Variants in SLC25A21 observed in about 807,000 individuals in gnomAD.
The protein encoded by SLC25A21 is mitochondrial 2-oxodicarboxylate carrier.
In SLC25A21, 47 loss-of-function variants were observed where a neutral mutation model predicts 43.8. The ratio of observed to expected loss-of-function variants is 1.07; its 90% CI spans 0.85 to 1.37. The LOEUF is 1.37. SLC25A21 is among the 40% of genes most tolerant of loss of function. The probability of loss-of-function intolerance (pLI) is 0.00; values close to 1 mark genes in which losing one functional copy is unlikely to be tolerated. For synonymous variants in SLC25A21, 131 were observed against 121.3 expected, an observed-to-expected ratio of 1.08 and a Z score of -0.52; for missense variants, 352 against 350.2, an observed-to-expected ratio of 1.00 and a Z score of -0.04.
At chr14:36,810,902 CAGCATATGATAGAGAAAAGAGT>C (rs1888228983) in intron 3 of SLC25A21, among the ~76,000 whole-genome samples, 1 of 94,996 alleles carries the variant, frequency 1.1e-5, no homozygotes, top group African/African-American at 3.3e-5. Flanking sequence ...GGAAATAATT[CAGCATATGATAGAGAAAAGAGT>C]GGGGGAAATA....
chr14:37,141,892 A>C (rs1436213390), intron 1 of SLC25A21, among the ~76,000 whole-genome samples: 3 of 152,214 alleles, frequency 2.0e-5, no homozygotes, highest in Non-Finnish European at 2.9e-5. Context: ...TCTTGGCTGC[A>C]CATTGGACTC....
intron 1 of SLC25A21, among the ~76,000 whole-genome samples, chr14:36,963,963 T>C (rs1959556824): frequency 6.6e-6 from 1 of 152,166 alleles, no homozygotes; most frequent in Admixed American, 6.5e-5. Context: ...TTTGAAATTG[T>C]ATGTTTGCTT....
chr14:36,769,464 T>C (rs960890200), intron 3 of SLC25A21, among the ~76,000 whole-genome samples: 3 of 152,198 alleles, frequency 2.0e-5, no homozygotes, highest in Non-Finnish European at 2.9e-5. Context: ...TGTAGCACCA[T>C]TGGAAAATGA....
intron 1 of SLC25A21, among the ~76,000 whole-genome samples, chr14:36,876,614 ACTT>A (rs1429272048): frequency 6.6e-6 from 1 of 152,026 alleles, no homozygotes; most frequent in Non-Finnish European, 1.5e-5. Context: ...GTCTCCATAT[ACTT>A]CTCCTTGCTT....
rs141748234 is a variant in SLC25A21 at position 37,139,895 on chromosome 14, C to T, written c.70+32386G>A. ...CAGCTAAATACTTGAGATGAATACG[C>T]ATTAAAAATAAACCACAATGCTTAA... On this transcript the variant is annotated intron_variant, in intron 1 of 9. Transcript: ENST00000331299. Among the ~76,000 whole-genome samples the T allele has an allele frequency of 4.4e-3, 667 of 152,306 alleles. 4 individuals carry two copies. The highest frequency in any genetic ancestry group is 0.014 in the Middle Eastern group (4 of 294).
chr14:37,152,294 G>A (rs1963771844), intron 1 of SLC25A21, among the ~76,000 whole-genome samples: 1 of 151,848 alleles, frequency 6.6e-6, no homozygotes, highest in African/African-American at 2.4e-5. Context: ...ATGATAATTT[G>A]TTTGAAGGTC....
Position 36,678,965 on chromosome 14 carries a change from T to TTAA in SLC25A21, c.*1690_*1692dup. 1.0e-6 allele frequency: 1 copy of TTAA among 982,182 alleles called. No homozygotes were observed. Among genetic ancestry groups the TTAA allele is most frequent in the South Asian group, 4.7e-5 (1 of 21,210 alleles). 60.8% of individuals were successfully genotyped at this position (982,182 alleles called of 1,614,324 possible). A position where few individuals can be genotyped will look rare whatever the true frequency, so the allele number is the denominator to read the frequency against. On this transcript the variant is annotated 3_prime_UTR_variant, in exon 10 of 10. Coordinates refer to ENST00000331299, the MANE Select transcript of SLC25A21 (RefSeq NM_030631.4). ...GTTAACTTTTAAAGATTATTATTGG[T>TTAA]TAATGTTGACATATTTCCTCTATCT...
At chr14:36,783,168 C>T (rs1887132124) in intron 3 of SLC25A21, among the ~76,000 whole-genome samples, 1 of 116,412 alleles carries the variant, frequency 8.6e-6, no homozygotes, top group Non-Finnish European at 1.6e-5. Context: ...ATTATGTGTG[C>T]TTGCAAGTCA....
intron 1 of SLC25A21, among the ~76,000 whole-genome samples, chr14:37,101,954 G>A (rs1023282899): frequency 2.0e-5 from 3 of 152,096 alleles, no homozygotes; most frequent in African/African-American, 7.2e-5. Context: ...TTCCTCATCT[G>A]TAAGATGAAG....
chr14:36,987,564 C>A (rs1180285313), intron 1 of SLC25A21, among the ~76,000 whole-genome samples: 1 of 152,140 alleles, frequency 6.6e-6, no homozygotes, highest in East Asian at 1.9e-4. Context: ...CATTTTTTCA[C>A]ATAATATATC....
intron 1 of SLC25A21, among the ~76,000 whole-genome samples, chr14:36,927,424 A>G (rs982471123): frequency 2.0e-5 from 3 of 152,174 alleles, no homozygotes; most frequent in African/African-American, 7.2e-5. Context: ...TCTCACTTCT[A>G]AGAGTCACCT....
chr14:36,763,625 T>C (rs1252466556), intron 3 of SLC25A21, among the ~76,000 whole-genome samples: 2 of 152,086 alleles, frequency 1.3e-5, no homozygotes, highest in South Asian at 4.2e-4. Context: ...TTTTTACTGT[T>C]GTAGAGGGGT....
chr14:36,682,714 G>A (rs1882334237), intron 9 of SLC25A21, among the ~76,000 whole-genome samples: 1 of 147,798 alleles, frequency 6.8e-6, no homozygotes, highest in African/African-American at 2.4e-5. Flanking sequence ...CTATTACTGC[G>A]TTAGCTTTTA....
intron 1 of SLC25A21, among the ~76,000 whole-genome samples, chr14:37,108,388 A>G (rs996049392): frequency 6.6e-5 from 10 of 151,880 alleles, no homozygotes; most frequent in Non-Finnish European, 1.2e-4. Context: ...ACTATTAACC[A>G]TTATTACTGA....
chr14:37,152,859 T>C (rs1026655389), intron 1 of SLC25A21, among the ~76,000 whole-genome samples: 41 of 152,162 alleles, frequency 2.7e-4, no homozygotes, highest in African/African-American at 9.6e-4. Context: ...GATGGTTGAG[T>C]AGGATTTTCT....
At chr14:36,713,571 C>T (rs1055817811) in intron 6 of SLC25A21, among the ~76,000 whole-genome samples, 3 of 152,196 alleles carry the variant, frequency 2.0e-5, no homozygotes, top group Non-Finnish European at 2.9e-5. Flanking sequence ...CAGAGCTAGA[C>T]AGTTCCAAGT....
intron 1 of SLC25A21, among the ~76,000 whole-genome samples, chr14:37,035,848 T>G (rs1165111619): frequency 6.6e-6 from 1 of 152,232 alleles, no homozygotes; most frequent in Non-Finnish European, 1.5e-5. Flanking sequence ...TGCGCTAACT[T>G]TGCTGTTTAT....
chr14:36,678,615 ATTCTT>A lies in SLC25A21; in HGVS notation c.*2038_*2042del. On this transcript the variant is annotated 3_prime_UTR_variant, in exon 10 of 10. Coordinates refer to ENST00000331299, the MANE Select transcript of SLC25A21 (RefSeq NM_030631.4). ...AAAAACTGATGTAAGGTACAGAACT[ATTCTT>A]TATCAAATGTTTTTAGGTGGCTGTT... The A allele has an allele frequency of 7.5e-7, 1 of 1,335,382 alleles. No homozygotes were observed. Among genetic ancestry groups the A allele is most frequent in the South Asian group, 2.4e-5 (1 of 42,272 alleles). 82.7% of individuals were successfully genotyped at this position (1,335,382 alleles called of 1,614,324 possible).
chr14:36,687,046 G>A (rs935302313), intron 7 of SLC25A21, among the ~76,000 whole-genome samples: 5 of 152,160 alleles, frequency 3.3e-5, no homozygotes, highest in Admixed American at 6.5e-5. Context: ...CCACCTCCTC[G>A]GTTCAGTGGA....
Sources: gnomAD v4.1 joint callset for allele counts (sites outside exome capture counted in the v4.1 genomes callset) on GRCh38, gnomAD v4.1.1 for gene constraint, MANE v1.5 for transcripts, NCBI Gene and HGNC (gene_info 2026-07-23, HGNC 2026-07-21) for gene names.